The following CNTNAP2 variants were observed in gnomAD, a reference collection of about 807,000 sequenced individuals.
CNTNAP2 encodes the protein contactin associated protein 2, also known as contactin-associated protein-like 2.
Under a neutral mutation model 155.2 loss-of-function variants are expected in CNTNAP2, and 98 were observed. That is an observed-to-expected ratio of 0.63 (90% confidence interval 0.54 to 0.75). The LOEUF (loss-of-function observed/expected upper bound fraction) is 0.75. Among genes scored for constraint, CNTNAP2 ranks in the 30% least tolerant of loss-of-function variants. The pLI, the probability that CNTNAP2 is intolerant of heterozygous loss-of-function variation, is 0.00. For synonymous variants in CNTNAP2, 651 were observed against 631.2 expected (o/e 1.03, Z -0.47); for missense variants, 1,727 against 1,688.1 (o/e 1.02, Z -0.40).
chr7:146,539,047 A>G (rs899823325), intron 1 of CNTNAP2, among the ~76,000 whole-genome samples: 1 of 152,118 alleles, frequency 6.6e-6, no homozygotes, highest in Non-Finnish European at 1.5e-5. Flanking sequence ...TTATTCACAG[A>G]TCATCAGCTA....
intron 1 of CNTNAP2, among the ~76,000 whole-genome samples, chr7:146,708,762 A>AT (rs1450363701): frequency 3.3e-5 from 5 of 151,388 alleles, no homozygotes; most frequent in Admixed American, 6.6e-5. Flanking sequence ...CACATGGCTA[A>AT]TTTTTGTATT....
chr7:148,025,608 T>G (rs1802360674), intron 15 of CNTNAP2, among the ~76,000 whole-genome samples: 1 of 152,232 alleles, frequency 6.6e-6, no homozygotes, highest in Admixed American at 6.5e-5. Flanking sequence ...AAATACTTCC[T>G]GTTACCTTAG....
chr7:146,894,396 C>G (rs958548325), intron 3 of CNTNAP2, among the ~76,000 whole-genome samples: 1 of 152,106 alleles, frequency 6.6e-6, no homozygotes, highest in Non-Finnish European at 1.5e-5. Context: ...TCATCTGGCA[C>G]TCTTTGCTTC....
chr7:147,867,409 T>A (rs2116695817), intron 13 of CNTNAP2, among the ~76,000 whole-genome samples: 1 of 152,290 alleles, frequency 6.6e-6, no homozygotes, highest in Middle Eastern at 3.4e-3. Context: ...CCTTGGTGAA[T>A]CTGACGGTTA....
intron 8 of CNTNAP2, among the ~76,000 whole-genome samples, chr7:147,236,418 C>T (rs1803805061): frequency 6.8e-6 from 1 of 146,890 alleles, no homozygotes. Context: ...TTATTTTAAG[C>T]TTGTTTTTTT....
chr7:147,290,492 G>C (rs1301443046), intron 8 of CNTNAP2, among the ~76,000 whole-genome samples: 1 of 151,860 alleles, frequency 6.6e-6, no homozygotes, highest in African/African-American at 2.4e-5. Flanking sequence ...ACCAGCCTGG[G>C]CAACCCGCTG....
chr7:147,971,790 A>G (rs1050054103), intron 14 of CNTNAP2, among the ~76,000 whole-genome samples: 1 of 152,208 alleles, frequency 6.6e-6, no homozygotes, highest in African/African-American at 2.4e-5. Context: ...ATATGCTTTC[A>G]TGTCTCTTGT....
At chr7:147,053,025 T>C (rs1163365893) in intron 4 of CNTNAP2, among the ~76,000 whole-genome samples, 2 of 152,084 alleles carry the variant, frequency 1.3e-5, no homozygotes, top group African/African-American at 4.8e-5. Flanking sequence ...AGAATTGGAG[T>C]GCTTTGTAAT....
chr7:147,232,140 C>A (rs1292496085), intron 8 of CNTNAP2, among the ~76,000 whole-genome samples: 1 of 152,120 alleles, frequency 6.6e-6, no homozygotes, highest in African/African-American at 2.4e-5. Context: ...GATCTGTACA[C>A]TGAAAACTAT....
At chr7:147,917,326 A>G (rs1443588046) in intron 14 of CNTNAP2, among the ~76,000 whole-genome samples, 1 of 152,226 alleles carries the variant, frequency 6.6e-6, no homozygotes, top group Non-Finnish European at 1.5e-5. Context: ...GGCTAGGTTA[A>G]GCTGCATATA....
At chr7:146,511,910 T>G (rs1462355533) in intron 1 of CNTNAP2, among the ~76,000 whole-genome samples, 1 of 152,126 alleles carries the variant, frequency 6.6e-6, no homozygotes, top group Non-Finnish European at 1.5e-5. Flanking sequence ...GTCCTGGGTT[T>G]TTATATGGGA....
rs773491586 is a variant in CNTNAP2 at position 148,229,656 on chromosome 7, G to A, written c.3258G>A (p.Gln1086=). 5.0e-6 allele frequency: 8 copies of A among 1,614,142 alleles called. No individual in the cohort carries two copies. The South Asian group carries it at 8.8e-5, about 18-fold the overall frequency. The part of the protein sequence containing the change: ...AVLVKPTGSL[Q]IRYNLGGTRE... ...TTTTTTCTTCTATAGGAAGCTTACA[G>A]ATTCGATACAACCTGGGTGGCACCC... Residue 1086 remains glutamine (Q), a synonymous_variant, in exon 20 of 24, where the codon CAG becomes CAA. Transcript: ENST00000361727.
chr7:147,187,186 G>A (rs1802583970), intron 8 of CNTNAP2, among the ~76,000 whole-genome samples: 1 of 152,154 alleles, frequency 6.6e-6, no homozygotes, highest in South Asian at 2.1e-4. Context: ...GTCTGAAACA[G>A]TGGTGGTGGA....
intron 9 of CNTNAP2, among the ~76,000 whole-genome samples, chr7:147,367,781 T>G (rs1346940477): frequency 6.6e-6 from 1 of 152,102 alleles, no homozygotes; most frequent in Non-Finnish European, 1.5e-5. Flanking sequence ...ATAGAGGGTT[T>G]TTGTAAATTA....
At chr7:147,935,127 T>A (rs1800582063) in intron 14 of CNTNAP2, among the ~76,000 whole-genome samples, 1 of 151,864 alleles carries the variant, frequency 6.6e-6, no homozygotes, top group African/African-American at 2.4e-5. Flanking sequence ...TTTGAGTAAA[T>A]CTTTCTTTCT....
intron 18 of CNTNAP2, among the ~76,000 whole-genome samples, chr7:148,204,232 G>A (rs1795411656): frequency 6.6e-6 from 1 of 152,190 alleles, no homozygotes; most frequent in South Asian, 2.1e-4. Flanking sequence ...GAAGGCAGAA[G>A]GCTTGAGGAC....
At chr7:147,948,459 A>T (rs1283652755) in intron 14 of CNTNAP2, among the ~76,000 whole-genome samples, 2 of 151,366 alleles carry the variant, frequency 1.3e-5, no homozygotes, top group Admixed American at 6.6e-5. Context: ...CCAGAAAATT[A>T]TTTTAATAAA....
At chr7:146,873,797 G>T (rs1468986648) in intron 3 of CNTNAP2, among the ~76,000 whole-genome samples, 3 of 152,108 alleles carry the variant, frequency 2.0e-5, no homozygotes, top group African/African-American at 4.8e-5. Flanking sequence ...CATTCAGAGA[G>T]CCTGGGTCAT....
chr7:147,002,528 C>CTCAGACAA (rs1238949351), intron 3 of CNTNAP2, among the ~76,000 whole-genome samples: 1 of 152,012 alleles, frequency 6.6e-6, no homozygotes, highest in East Asian at 1.9e-4. Context: ...AACAAAACGT[C>CTCAGACAA]ACGAAATTTA....
Sources: allele counts gnomAD v4.1 joint callset (sites outside exome capture counted in the v4.1 genomes callset), GRCh38; gene constraint gnomAD v4.1.1; transcripts MANE v1.5; gene names NCBI Gene and HGNC (gene_info 2026-07-23, HGNC 2026-07-21).